The following CTDP1 variants were observed in gnomAD, a reference collection of about 807,000 sequenced individuals.
The protein encoded by CTDP1 is RNA polymerase II subunit A C-terminal domain phosphatase.
Under a neutral mutation model 91.8 loss-of-function variants are expected in CTDP1, and 47 were observed. The ratio of observed to expected loss-of-function variants is 0.51; its 90% confidence interval spans 0.41 to 0.65. The LOEUF is 0.65. Among genes scored for constraint, CTDP1 ranks in the 30% least tolerant of loss-of-function variants. CTDP1 has a pLI of 0.00. For synonymous variants in CTDP1, 656 were observed against 598.5 expected, an observed-to-expected ratio of 1.10 and a Z score of -1.40; for missense variants, 1,272 against 1,373.7, an observed-to-expected ratio of 0.93 and a Z score of 1.17.
At chr18:79,737,781 G>GC (rs2086696328) in intron 12 of CTDP1, among the ~76,000 whole-genome samples, 2 of 152,042 alleles carry the variant, frequency 1.3e-5, no homozygotes, top group African/African-American at 4.8e-5. Context: ...TCTTGCCTCC[G>GC]CCCTGCCAAT....
intron 12 of CTDP1, among the ~76,000 whole-genome samples, chr18:79,751,464 C>G (rs2086999123): frequency 6.6e-6 from 1 of 152,150 alleles, no homozygotes; most frequent in Non-Finnish European, 1.5e-5. Context: ...TTTCCTGGAC[C>G]ACGAACAGTT....
chr18:79,686,121 G>A (rs746568272), intron 1 of CTDP1, among the ~76,000 whole-genome samples: 11 of 152,096 alleles, frequency 7.2e-5, no homozygotes, highest in Non-Finnish European at 1.6e-4. Flanking sequence ...CTTTGTCATG[G>A]GTTTTTAGGT....
intron 5 of CTDP1, 68 bp from the exon 6 acceptor site, chr18:79,710,278 T>C: frequency 8.1e-7 from 1 of 1,232,818 alleles, no homozygotes; most frequent in Non-Finnish European, 1.2e-6. Context: ...CATTCAAGGC[T>C]TCACCATGTG....
chr18:79,707,882 A>G (rs562250298), intron 5 of CTDP1, among the ~76,000 whole-genome samples: 125 of 152,328 alleles, frequency 8.2e-4, no homozygotes, highest in African/African-American at 2.9e-3. Context: ...TGTTGATAGC[A>G]TGCGTGCTTT....
At chr18:79,727,386 A>G (rs190501266) in intron 10 of CTDP1, among the ~76,000 whole-genome samples, 69 of 151,104 alleles carry the variant, frequency 4.6e-4, no homozygotes, top group African/African-American at 1.6e-3. Context: ...TGGAAAGCGC[A>G]GCGTTCACGG....
intron 1 of CTDP1, among the ~76,000 whole-genome samples, chr18:79,685,872 A>G (rs1199751735): frequency 6.6e-6 from 1 of 152,250 alleles, no homozygotes; most frequent in Non-Finnish European, 1.5e-5. Context: ...TTTTATTATT[A>G]ACAATTCTAA....
chr18:79,755,116 T>G (rs2087075819), downstream of CTDP1: 2 of 152,196 alleles, frequency 1.3e-5, no homozygotes, highest in African/African-American at 4.8e-5. Flanking sequence ...GAGGGAGGCA[T>G]CCTCAGTGGG....
chr18:79,750,885 G>A (rs1274116642), intron 12 of CTDP1, among the ~76,000 whole-genome samples: 2 of 151,426 alleles, frequency 1.3e-5, no homozygotes, highest in South Asian at 2.1e-4. Flanking sequence ...GTCCCAGTAT[G>A]TGATGAAAGA....
At chr18:79,721,717 C>T (rs2086348389) in intron 10 of CTDP1, among the ~76,000 whole-genome samples, 1 of 152,058 alleles carries the variant, frequency 6.6e-6, no homozygotes, top group Non-Finnish European at 1.5e-5. Flanking sequence ...CGCACCCCTG[C>T]GCTTCATCCT....
chr18:79,717,879 G>C lies in CTDP1; in HGVS notation c.2280G>C (p.Pro760=). ...CCACCGCCTTGTTCCACCCGATGCC[G>C]GTTCTTCCCAAGGCCCAGCCTGGCC... The part of the protein sequence containing the change: ...VPPTALFHPM[P]VLPKAQPGPE... Residue 760 remains proline (P), a synonymous_variant, in exon 10 of 13, where the codon CCG becomes CCC. Transcript: ENST00000613122. The C allele has an allele frequency of 6.2e-7, 1 of 1,613,576 alleles. No homozygotes were observed. The highest frequency in any genetic ancestry group is 1.6e-4 in the Middle Eastern group (1 of 6,062).
At chr18:79,724,145 C>G (rs1309924709) in intron 10 of CTDP1, among the ~76,000 whole-genome samples, 2 of 152,198 alleles carry the variant, frequency 1.3e-5, no homozygotes, top group African/African-American at 4.8e-5. Context: ...CTGACGTGGC[C>G]CTGGAAGGAA....
chr18:79,717,180 T>G (rs1396510727), intron 8 of CTDP1, among the ~76,000 whole-genome samples: 1 of 123,084 alleles, frequency 8.1e-6, no homozygotes, highest in Non-Finnish European at 1.6e-5. Context: ...GTGAGGGCCC[T>G]GGGCCCTGGT....
intron 12 of CTDP1, among the ~76,000 whole-genome samples, chr18:79,747,572 C>T (rs1334390932): frequency 6.6e-6 from 1 of 152,206 alleles, no homozygotes; most frequent in African/African-American, 2.4e-5. Context: ...CTTCCAGGTC[C>T]CCGCGGAGCC....
At chr18:79,710,821 CAGGCATG>C (rs1776671622) in intron 6 of CTDP1, among the ~76,000 whole-genome samples, 1 of 150,238 alleles carries the variant, frequency 6.7e-6, no homozygotes, top group East Asian at 2.0e-4. Flanking sequence ...GTTGGGATTA[CAGGCATG>C]AGCCACTGCA....
rs2085780913 is a variant in CTDP1 at position 79,697,915 on chromosome 18, T to C, written c.548T>C (p.Leu183Pro). ...DQQRLHRNRK[L>P]VLMVDLDQTL... ...CAGCGACTGCACCGAAACCGGAAGC[T>C]GGTGCTCATGGTGGACTTGGACCAG... Residue 183 changes from leucine to proline, a missense_variant, in exon 4 of 13, where the codon CTG (leucine) becomes CCG (proline). By Grantham distance (98) the Leu-to-Pro change is moderately conservative. Transcript: ENST00000613122. The C allele has an allele frequency of 6.2e-7, 1 of 1,614,154 alleles. No individual in the cohort carries two copies. Among genetic ancestry groups the C allele is most frequent in the Non-Finnish European group, 8.5e-7 (1 of 1,180,024 alleles).
At chr18:79,737,117 C>G (rs1023751023) in intron 12 of CTDP1, among the ~76,000 whole-genome samples, 1 of 152,216 alleles carries the variant, frequency 6.6e-6, no homozygotes, top group Non-Finnish European at 1.5e-5. Flanking sequence ...GTTTGCTTTG[C>G]GCTTCCTTCG....
chr18:79,696,128 C>T (rs2085741243), intron 3 of CTDP1, 58 bp downstream of exon 3: 2 of 1,488,264 alleles, frequency 1.3e-6, no homozygotes, highest in Non-Finnish European at 1.8e-6. Flanking sequence ...AGGAGGGCGG[C>T]TGCAGGAGGA....
chr18:79,705,207 A>G lies in CTDP1; in HGVS notation c.772+290A>G, dbSNP rs116502187. The stretch of plus-strand genomic sequence containing the variant: ...CTTCTGCGAGCGTCCTCCGACAGAT[A>G]CCTTCTTAAATCAGTTCACAGGGAC... On this transcript the variant is annotated intron_variant, in intron 5 of 12. Transcript: ENST00000613122. Among the ~76,000 whole-genome samples the G allele has an allele frequency of 7.9e-3, 1,209 of 152,122 alleles. 12 individuals carry two copies. The highest frequency in any genetic ancestry group is 0.027 in the African/African-American group (1,134 of 41,490).
chr18:79,741,776 C>G (rs1179243544), intron 12 of CTDP1, among the ~76,000 whole-genome samples: 1 of 152,142 alleles, frequency 6.6e-6, no homozygotes, highest in Non-Finnish European at 1.5e-5. Context: ...GCGTGAGCTC[C>G]CACTCTTAGA....
Sources: gnomAD v4.1 joint callset for allele counts (sites outside exome capture counted in the v4.1 genomes callset) on GRCh38, gnomAD v4.1.1 for gene constraint, MANE v1.5 for transcripts, NCBI Gene and HGNC (gene_info 2026-07-23, HGNC 2026-07-21) for gene names.